Variants in SMYD3 observed in about 807,000 individuals in gnomAD.
SMYD3 encodes SET and MYND domain containing 3.
A neutral mutation model predicts 57.7 loss-of-function variants in SMYD3; 36 were observed. That is an observed-to-expected ratio of 0.62 (90% CI 0.48 to 0.82). The LOEUF (loss-of-function observed/expected upper bound fraction) is 0.82. SMYD3 is among the 40% of genes least tolerant of loss of function. The pLI is 0.00. For missense variants in SMYD3, 515 were observed against 538.8 expected, an observed-to-expected ratio of 0.96 and a Z score of 0.44; for synonymous variants, 211 against 195.0, an observed-to-expected ratio of 1.08 and a Z score of -0.68.
At chr1:246,375,881 C>T (rs1055543107) in intron 1 of SMYD3, among the ~76,000 whole-genome samples, 2 of 152,006 alleles carry the variant, frequency 1.3e-5, no homozygotes, top group Non-Finnish European at 2.9e-5. Flanking sequence ...AGGTGTGCAC[C>T]ACCACGCCTG....
chr1:246,130,230 TTAATATGTAGACAAAATTATCACTAAGA>T (rs1325596046), intron 5 of SMYD3, among the ~76,000 whole-genome samples: 1 of 152,196 alleles, frequency 6.6e-6, no homozygotes, highest in African/African-American at 2.4e-5. Context: ...GTTTTAACGT[TTAATATGTAGACAAAATTATCACTAAGA>T]TCATTTAGGG....
chr1:246,101,665 C>T (rs1210245872), intron 5 of SMYD3, among the ~76,000 whole-genome samples: 3 of 152,108 alleles, frequency 2.0e-5, no homozygotes, highest in African/African-American at 7.2e-5. Flanking sequence ...CGGTTAGGTT[C>T]TTGTTCTCAA....
At chr1:246,252,290 C>T (rs1348197413) in intron 5 of SMYD3, among the ~76,000 whole-genome samples, 1 of 152,218 alleles carries the variant, frequency 6.6e-6, no homozygotes, top group Admixed American at 6.5e-5. Flanking sequence ...GCCTCAAACA[C>T]TGTGCCCACG....
intron 5 of SMYD3, among the ~76,000 whole-genome samples, chr1:246,218,193 TAA>T (rs2063194588): frequency 6.8e-6 from 1 of 147,276 alleles, no homozygotes; most frequent in Admixed American, 6.9e-5. Context: ...TTATAACACA[TAA>T]AAAACTGATT....
At chr1:245,939,063 A>G (rs1324582342) in intron 5 of SMYD3, among the ~76,000 whole-genome samples, 1 of 151,950 alleles carries the variant, frequency 6.6e-6, no homozygotes, top group African/African-American at 2.4e-5. Context: ...GAATCACCTG[A>G]ACCTAGGAAG....
chr1:245,749,538 C>T lies in SMYD3; in HGVS notation c.*25G>A, dbSNP rs8025. The T allele has an allele frequency of 0.26, 410,266 of 1,575,158 alleles. 56,050 individuals carry two copies. The highest frequency in any genetic ancestry group is 0.47 in the East Asian group (21,012 of 44,670). On this transcript the variant is annotated 3_prime_UTR_variant, in exon 12 of 12. Coordinates refer to ENST00000490107, the MANE Select transcript of SMYD3 (RefSeq NM_001167740.2). ...TAAGGCATTCAACAAAGACACACGCCGTATTTCCCTCTGACTGCGTTCCCT... is the reference window on the plus strand; with the variant it reads ...TAAGGCATTCAACAAAGACACACGCTGTATTTCCCTCTGACTGCGTTCCCT...
intron 10 of SMYD3, among the ~76,000 whole-genome samples, chr1:245,776,968 C>G (rs972759350): frequency 2.0e-5 from 3 of 152,172 alleles, no homozygotes; most frequent in African/African-American, 7.2e-5. Context: ...GGATGTATGG[C>G]TTGCAAAGCT....
At chr1:246,043,975 C>A (rs915661524) in intron 5 of SMYD3, among the ~76,000 whole-genome samples, 4 of 152,178 alleles carry the variant, frequency 2.6e-5, no homozygotes, top group African/African-American at 9.7e-5. Context: ...TCAGGACTCG[C>A]TCTACCTGCT....
intron 11 of SMYD3, among the ~76,000 whole-genome samples, chr1:245,760,486 T>C (rs946190733): frequency 3.9e-5 from 6 of 152,142 alleles, no homozygotes; most frequent in Non-Finnish European, 8.8e-5. Flanking sequence ...ATTCAGGCCA[T>C]CCCTCTGCTA....
intron 11 of SMYD3, among the ~76,000 whole-genome samples, chr1:245,751,491 GCAGA>G (rs2045350475): frequency 6.6e-6 from 1 of 150,468 alleles, no homozygotes; most frequent in African/African-American, 2.4e-5. Context: ...AGGAAAACAG[GCAGA>G]CAGAGGGGGT....
intron 5 of SMYD3, among the ~76,000 whole-genome samples, chr1:246,031,147 T>C (rs2059665436): frequency 6.6e-6 from 1 of 152,160 alleles, no homozygotes; most frequent in Non-Finnish European, 1.5e-5. Flanking sequence ...ATCTGTATGT[T>C]TCTAGCAATG....
chr1:246,503,701 G>A (rs372103461), intron 1 of SMYD3, among the ~76,000 whole-genome samples: 2 of 152,142 alleles, frequency 1.3e-5, no homozygotes, highest in African/African-American at 2.4e-5. Flanking sequence ...AGCGGCTCAC[G>A]CCTGTAATCC....
In SMYD3 at chr1:245,976,923, GTCTCTA is replaced by G. The variant is rs1558550825; in HGVS notation, c.532-46992_532-46987del. Among the ~76,000 whole-genome samples the G allele has an allele frequency of 3.7e-4, 20 of 54,080 alleles. 4 individuals carry two copies. The highest frequency in any genetic ancestry group is 1.5e-3 in the South Asian group (2 of 1,366). 35.5% of individuals were successfully genotyped at this position (54,080 alleles called of 152,430 possible). ...CGTCTCTAGCCTAGGGAAAGCCATCGTCTCTAGCCTAGGGAAAGCCATCGTCTCTAG... is the reference window on the plus strand; with the variant it reads ...CGTCTCTAGCCTAGGGAAAGCCATCGGCCTAGGGAAAGCCATCGTCTCTAG... On this transcript the variant is annotated intron_variant, in intron 5 of 11. Coordinates refer to ENST00000490107, the MANE Select transcript of SMYD3 (RefSeq NM_001167740.2).
At chr1:246,135,657 C>T (rs935117074) in intron 5 of SMYD3, among the ~76,000 whole-genome samples, 1 of 151,768 alleles carries the variant, frequency 6.6e-6, no homozygotes, top group African/African-American at 2.4e-5. Context: ...CACACACATA[C>T]GTGTATGTAT....
chr1:246,344,504 T>C (rs1165744325), intron 2 of SMYD3, among the ~76,000 whole-genome samples: 1 of 152,242 alleles, frequency 6.6e-6, no homozygotes, highest in Non-Finnish European at 1.5e-5. Flanking sequence ...GATGAATATT[T>C]CACTTGTTTC....
intron 5 of SMYD3, among the ~76,000 whole-genome samples, chr1:246,031,902 G>A (rs1572916663): frequency 6.6e-6 from 1 of 152,084 alleles, no homozygotes; most frequent in African/African-American, 2.4e-5. Flanking sequence ...AAAGCAGAGT[G>A]ATAACCACCC....
chr1:246,046,407 T>C (rs1157798754), intron 5 of SMYD3, among the ~76,000 whole-genome samples: 3 of 151,796 alleles, frequency 2.0e-5, no homozygotes, highest in Non-Finnish European at 4.4e-5. Flanking sequence ...TTCTCACTCA[T>C]AGGTGGGAAT....
chr1:245,808,175 T>C (rs2048284528), intron 10 of SMYD3, among the ~76,000 whole-genome samples: 1 of 152,206 alleles, frequency 6.6e-6, no homozygotes, highest in Non-Finnish European at 1.5e-5. Flanking sequence ...AGTTGAGTTC[T>C]GGTACATTAA....
intron 5 of SMYD3, among the ~76,000 whole-genome samples, chr1:246,057,340 C>T (rs12074800): frequency 6.6e-6 from 1 of 152,098 alleles, no homozygotes; most frequent in African/African-American, 2.4e-5. Flanking sequence ...AAAGAAAAAG[C>T]TACTTTTACA....
Sources: allele counts gnomAD v4.1 joint callset (sites outside exome capture counted in the v4.1 genomes callset), GRCh38; gene constraint gnomAD v4.1.1; transcripts MANE v1.5; gene names NCBI Gene and HGNC (gene_info 2026-07-23, HGNC 2026-07-21).